The following FGF12 variants were observed in gnomAD, a reference collection of about 807,000 sequenced individuals.
FGF12 encodes the protein fibroblast growth factor 12, also known as fibroblast growth factor 12B.
Under a neutral mutation model 23.6 loss-of-function variants are expected in FGF12, and 14 were observed. The ratio of observed to expected loss-of-function variants is 0.59; its 90% CI spans 0.39 to 0.93. The LOEUF (loss-of-function observed/expected upper bound fraction) is 0.93, where lower values mean the gene tolerates loss of function less well. FGF12 is among the 40% of genes least tolerant of loss of function. FGF12 has a pLI of 0.00. For synonymous variants in FGF12, 62 were observed against 77.3 expected (o/e 0.80, Z 1.04); for missense variants, 175 against 217.8 (o/e 0.80, Z 1.24).
At chr3:192,441,796 T>C (rs1008837092) in intron 2 of FGF12, among the ~76,000 whole-genome samples, 9 of 152,200 alleles carry the variant, frequency 5.9e-5, no homozygotes. Context: ...AAGGTACCAA[T>C]TACCTCTCAA....
chr3:192,523,418 T>C (rs1724869568), intron 2 of FGF12, among the ~76,000 whole-genome samples: 1 of 152,228 alleles, frequency 6.6e-6, no homozygotes, highest in Non-Finnish European at 1.5e-5. Flanking sequence ...AAATGGGAAG[T>C]CTTACATTTA....
At chr3:192,170,385 AAAAGGG>A (rs1445523119) in intron 5 of FGF12, 67 bp downstream of exon 5, 1 of 1,322,706 alleles carries the variant, frequency 7.6e-7, no homozygotes, top group Non-Finnish European at 1.1e-6. Context: ...TCTCTGGACC[AAAAGGG>A]CAAGAAGCAG....
intron 4 of FGF12, among the ~76,000 whole-genome samples, chr3:192,316,564 C>T (rs968482311): frequency 6.6e-6 from 1 of 152,168 alleles, no homozygotes; most frequent in Non-Finnish European, 1.5e-5. Context: ...TAGGGGGCAC[C>T]TAGACCAGCC....
intron 5 of FGF12, among the ~76,000 whole-genome samples, chr3:192,163,611 T>A (rs1040614995): frequency 3.9e-5 from 6 of 152,120 alleles, no homozygotes; most frequent in African/African-American, 1.4e-4. Context: ...TTTAAACCTA[T>A]AGAGTCCTAG....
chr3:192,302,758 A>T (rs989928897), intron 4 of FGF12, among the ~76,000 whole-genome samples: 1 of 152,244 alleles, frequency 6.6e-6, no homozygotes, highest in Non-Finnish European at 1.5e-5. Flanking sequence ...GGAGAGGTAC[A>T]TGTGGAAAGT....
At chr3:192,535,806 C>G (rs1439568995) in intron 2 of FGF12, among the ~76,000 whole-genome samples, 4 of 152,144 alleles carry the variant, frequency 2.6e-5, no homozygotes, top group Admixed American at 6.5e-5. Context: ...ATGAATTTAG[C>G]TGTATCTGAG....
chr3:192,668,490 T>C (rs1716981593), intron 2 of FGF12, among the ~76,000 whole-genome samples: 1 of 152,152 alleles, frequency 6.6e-6, no homozygotes, highest in African/African-American at 2.4e-5. Flanking sequence ...GAAGAGTTCT[T>C]CCCACTCTCC....
chr3:192,540,279 T>A (rs1212030351), intron 2 of FGF12, among the ~76,000 whole-genome samples: 1 of 152,116 alleles, frequency 6.6e-6, no homozygotes, highest in African/African-American at 2.4e-5. Flanking sequence ...TAATTATAGC[T>A]ATAAGCTTTT....
chr3:192,472,127 C>T (rs1181395390), intron 2 of FGF12, among the ~76,000 whole-genome samples: 1 of 152,128 alleles, frequency 6.6e-6, no homozygotes, highest in Admixed American at 6.5e-5. Context: ...AGCAATTCTC[C>T]TGCCTCAGCC....
At chr3:192,240,782 G>A (rs1031893893) in intron 4 of FGF12, among the ~76,000 whole-genome samples, 4 of 152,042 alleles carry the variant, frequency 2.6e-5, no homozygotes, top group African/African-American at 9.7e-5. Flanking sequence ...TACTTTGTAT[G>A]TTATTTGTAA....
chr3:192,280,551 T>C (rs1166155856), intron 4 of FGF12, among the ~76,000 whole-genome samples: 2 of 152,192 alleles, frequency 1.3e-5, no homozygotes, highest in African/African-American at 4.8e-5. Context: ...GAAATTTTTA[T>C]AGTATCTGAC....
chr3:192,476,194 A>G (rs1052121919), intron 2 of FGF12, among the ~76,000 whole-genome samples: 2 of 152,192 alleles, frequency 1.3e-5, no homozygotes, highest in Admixed American at 6.5e-5. Context: ...GCAGGACAAC[A>G]TAAAAATAAT....
chr3:192,416,359 A>G (rs1198651511), intron 2 of FGF12, among the ~76,000 whole-genome samples: 1 of 152,168 alleles, frequency 6.6e-6, no homozygotes, highest in Admixed American at 6.5e-5. Context: ...TTTAGAGTAG[A>G]TAAGTTGTCC....
chr3:192,651,824 G>T (rs951791351), intron 2 of FGF12, among the ~76,000 whole-genome samples: 1 of 152,168 alleles, frequency 6.6e-6, no homozygotes, highest in Non-Finnish European at 1.5e-5. Context: ...ACAGAGGATG[G>T]GACAGAGAGG....
At chr3:192,335,610 G>C (rs1717364443) in intron 3 of FGF12, 146 bp from the exon 4 acceptor site, 1 of 618,092 alleles carries the variant, frequency 1.6e-6, no homozygotes, top group African/African-American at 1.9e-5. Flanking sequence ...CTAAAAACGA[G>C]AGAAATTGAC....
rs1715305822 is a variant in FGF12 at position 192,167,774 on chromosome 3, T to TATAA, written c.427+2683_427+2684insTTAT. Among the ~76,000 whole-genome samples, 4 of 38,956 alleles carry TATAA rather than the reference T, an allele frequency of 1.0e-4. 1 individual carries two copies. The highest frequency in any genetic ancestry group is 2.8e-4 in the African/African-American group (3 of 10,608). 25.6% of individuals were successfully genotyped at this position (38,956 alleles called of 152,430 possible). Reference sequence around the variant, plus strand: ...ATATATATATATATATATATAAAATTTTTTTTTTTTTTTTTTTTTGAGAAA... The same window carrying TATAA: ...ATATATATATATATATATATAAAATTATAATTTTTTTTTTTTTTTTTTTGAGAAA... On this transcript the variant is annotated intron_variant, in intron 5 of 5. Coordinates refer to ENST00000445105, the MANE Select transcript of FGF12 (RefSeq NM_004113.6).
chr3:192,291,582 TA>T (rs577731535), intron 4 of FGF12, among the ~76,000 whole-genome samples: 1 of 149,912 alleles, frequency 6.7e-6, no homozygotes, highest in East Asian at 1.9e-4. Context: ...AACCCTGTCT[TA>T]AAAAAAAGAA....
At chr3:192,573,997 G>T (rs1375900148) in intron 2 of FGF12, among the ~76,000 whole-genome samples, 1 of 152,188 alleles carries the variant, frequency 6.6e-6, no homozygotes, top group Non-Finnish European at 1.5e-5. Flanking sequence ...AAGGGCCTCT[G>T]CCCAGCCATT....
chr3:192,182,130 C>T (rs1716212907), intron 4 of FGF12, among the ~76,000 whole-genome samples: 1 of 151,946 alleles, frequency 6.6e-6, no homozygotes. Flanking sequence ...ATAAACAACT[C>T]GGTATTTGTG....
Sources: gnomAD v4.1 joint callset for allele counts (sites outside exome capture counted in the v4.1 genomes callset) on GRCh38, gnomAD v4.1.1 for gene constraint, MANE v1.5 for transcripts, NCBI Gene and HGNC (gene_info 2026-07-23, HGNC 2026-07-21) for gene names.